Variants in RAMP1 observed in about 807,000 individuals in gnomAD.
RAMP1 encodes receptor activity-modifying protein 1.
A neutral mutation model predicts 8.2 loss-of-function variants in RAMP1; 7 were observed. The ratio of observed to expected loss-of-function variants is 0.85; its 90% CI spans 0.49 to 1.60. The LOEUF (loss-of-function observed/expected upper bound fraction) is 1.60, where lower values mean the gene tolerates loss of function less well. RAMP1 is among the 40% of genes most tolerant of loss of function. The pLI is 0.00. For synonymous variants in RAMP1, 92 were observed against 84.7 expected (o/e 1.09, Z -0.47); for missense variants, 192 against 202.4 (o/e 0.95, Z 0.31).
At chr2:237,859,988 T>A in intron 1 of RAMP1, 1 of 400,464 alleles carries the variant, frequency 2.5e-6, no homozygotes, top group Non-Finnish European at 4.5e-6. Flanking sequence ...AGAGCGGGCA[T>A]TCTGGAAAGC....
chr2:237,911,328 C>T (rs1266197873), intron 2 of RAMP1, among the ~76,000 whole-genome samples, 200 bp from the exon 3 acceptor site: 3 of 152,222 alleles, frequency 2.0e-5, no homozygotes, highest in Admixed American at 6.5e-5. Flanking sequence ...CCACGGGCCG[C>T]CATGCAGGTC....
chr2:237,895,169 C>T (rs1449961548), intron 2 of RAMP1, among the ~76,000 whole-genome samples: 1 of 152,078 alleles, frequency 6.6e-6, no homozygotes, highest in Non-Finnish European at 1.5e-5. Flanking sequence ...GATTGTAGAG[C>T]GAGTCAGGAG....
intron 2 of RAMP1, among the ~76,000 whole-genome samples, chr2:237,909,136 C>T (rs1387524258): frequency 6.6e-6 from 1 of 152,148 alleles, no homozygotes; most frequent in African/African-American, 2.4e-5. Context: ...GCCTCAACCC[C>T]CAGTGAGTGC....
At chr2:237,907,878 A>G (rs2062668653) in intron 2 of RAMP1, among the ~76,000 whole-genome samples, 1 of 152,232 alleles carries the variant, frequency 6.6e-6, no homozygotes, top group Admixed American at 6.5e-5. Flanking sequence ...TTTTTATTGA[A>G]TACTGAACAT....
upstream of RAMP1, among the ~76,000 whole-genome samples, chr2:237,859,303 G>C (rs12053187): frequency 6.6e-6 from 1 of 152,320 alleles, no homozygotes; most frequent in East Asian, 1.9e-4. Context: ...GGAGGAGGAG[G>C]GGAAGATCCC....
intron 2 of RAMP1, among the ~76,000 whole-genome samples, chr2:237,902,759 G>T (rs764532719): frequency 1.3e-5 from 2 of 152,248 alleles, no homozygotes; most frequent in African/African-American, 4.8e-5. Flanking sequence ...CACCAGGCAC[G>T]GTGGCTGCAG....
chr2:237,900,946 C>T (rs905136171), intron 2 of RAMP1, among the ~76,000 whole-genome samples: 6 of 152,216 alleles, frequency 3.9e-5, no homozygotes, highest in African/African-American at 7.2e-5. Flanking sequence ...GTCACTGCAT[C>T]GGTTTATTAA....
intron 1 of RAMP1, among the ~76,000 whole-genome samples, chr2:237,872,590 C>T (rs1420103905): frequency 1.3e-5 from 2 of 152,220 alleles, no homozygotes; most frequent in Non-Finnish European, 2.9e-5. Flanking sequence ...CTGACCTCAC[C>T]ATGCCTCCTA....
rs567615537 is a variant in RAMP1, at chr2:237,878,968, G to A, written c.191+1606G>A. Among the ~76,000 whole-genome samples, 1 of 152,304 alleles carries A rather than the reference G, an allele frequency of 6.6e-6. No individual in the cohort carries two copies. Among genetic ancestry groups the A allele is most frequent in the Admixed American group, 6.5e-5 (1 of 15,312 alleles). Reference sequence around the variant, plus strand: ...CCCCAACCCTCTGGGGTCTCCAGGGGCCCTGTGCCCTCAGCAGGGTCTCCT... The same window carrying A: ...CCCCAACCCTCTGGGGTCTCCAGGGACCCTGTGCCCTCAGCAGGGTCTCCT... On this transcript the variant is annotated intron_variant, in intron 2 of 2. Coordinates refer to ENST00000254661, the MANE Select transcript of RAMP1 (RefSeq NM_005855.4). The surrounding 1 kb of genome is among the most constrained non-coding windows in gnomAD (Gnocchi z 5.7).
At chr2:237,890,217 T>C (rs2062475133) in intron 2 of RAMP1, among the ~76,000 whole-genome samples, 1 of 152,148 alleles carries the variant, frequency 6.6e-6, no homozygotes, top group Non-Finnish European at 1.5e-5. Context: ...TTTTTTTTTT[T>C]TTGAGACAGA....
At chr2:237,895,908 G>A (rs566530745) in intron 2 of RAMP1, among the ~76,000 whole-genome samples, 31 of 152,310 alleles carry the variant, frequency 2.0e-4, no homozygotes, top group Middle Eastern at 3.4e-3. Flanking sequence ...CGTGAGGTGG[G>A]AACCCTGGGG....
intron 2 of RAMP1, among the ~76,000 whole-genome samples, chr2:237,902,667 C>T (rs2151021582): frequency 6.6e-6 from 1 of 152,258 alleles, no homozygotes; most frequent in East Asian, 1.9e-4. Flanking sequence ...GCACGCCTCC[C>T]CCATGAGCCG....
chr2:237,867,049 A>T (rs2062194555), intron 1 of RAMP1, among the ~76,000 whole-genome samples: 2 of 152,032 alleles, frequency 1.3e-5, no homozygotes, highest in South Asian at 4.2e-4. Flanking sequence ...TCTTATAATG[A>T]AGTAAGCTAG....
At chr2:237,876,223 A>C (rs1349616992) in intron 1 of RAMP1, among the ~76,000 whole-genome samples, 2 of 152,104 alleles carry the variant, frequency 1.3e-5, no homozygotes, top group African/African-American at 2.4e-5. Flanking sequence ...CCCCTCGCCC[A>C]ATCTGCCTGC....
chr2:237,901,746 C>G lies in RAMP1; in HGVS notation c.192-9782C>G, dbSNP rs1250374971. Among the ~76,000 whole-genome samples the G allele has an allele frequency of 4.6e-5, 7 of 152,112 alleles. No homozygotes were observed. In the East Asian group the frequency reaches 1.2e-3, roughly 25 times the overall value. On this transcript the variant is annotated intron_variant, in intron 2 of 2. Transcript: ENST00000254661. Reference sequence around the variant, plus strand: ...GGGTGTGGGATGTGGCCTGGAGAGCCCGTGGTAGCTAAGCCCAGCATGCAG... The same window carrying G: ...GGGTGTGGGATGTGGCCTGGAGAGCGCGTGGTAGCTAAGCCCAGCATGCAG...
chr2:237,893,583 T>C (rs2062507920), intron 2 of RAMP1, among the ~76,000 whole-genome samples: 1 of 152,240 alleles, frequency 6.6e-6, no homozygotes, highest in Non-Finnish European at 1.5e-5. Context: ...TTTTTCCAGA[T>C]ACATTTTTCC....
intron 2 of RAMP1, among the ~76,000 whole-genome samples, chr2:237,902,517 G>T (rs567865185): frequency 6.6e-6 from 1 of 152,174 alleles, no homozygotes; most frequent in South Asian, 2.1e-4. Context: ...TGCCCCCAGG[G>T]CCCACCCCGC....
chr2:237,900,250 C>T (rs1336709971), intron 2 of RAMP1, among the ~76,000 whole-genome samples: 1 of 152,188 alleles, frequency 6.6e-6, no homozygotes, highest in Non-Finnish European at 1.5e-5. Flanking sequence ...ACCTCTGCCT[C>T]CTGGGTTCAC....
intron 1 of RAMP1, among the ~76,000 whole-genome samples, chr2:237,866,987 C>A (rs2062193837): frequency 6.6e-6 from 1 of 152,164 alleles, no homozygotes; most frequent in South Asian, 2.1e-4. Flanking sequence ...TCTTGGCTTC[C>A]CGAAGTGCTG....
Sources: gnomAD v4.1 joint callset for allele counts (sites outside exome capture counted in the v4.1 genomes callset) on GRCh38, gnomAD v4.1.1 for gene constraint, Gnocchi (gnomAD v3.1) non-coding constraint, MANE v1.5 for transcripts, NCBI Gene and HGNC (gene_info 2026-07-23, HGNC 2026-07-21) for gene names.